The following VPS35L variants were observed in gnomAD, a reference collection of about 807,000 sequenced individuals.
VPS35L encodes VPS35 endosomal protein sorting factor like.
In VPS35L, 83 loss-of-function variants were observed where a neutral mutation model predicts 133.0. The observed-to-expected ratio is 0.62, with a 90% CI of 0.52 to 0.75. VPS35L has a LOEUF of 0.75. VPS35L is among the 30% of genes least tolerant of loss of function. VPS35L has a pLI of 0.00. For synonymous variants in VPS35L, 423 were observed against 449.9 expected (o/e 0.94, Z 0.76); for missense variants, 1,083 against 1,206.8 (o/e 0.90, Z 1.52).
chr16:19,569,713 G>C, intron 3 of VPS35L, 122 bp downstream of exon 3: 5 of 1,094,666 alleles, frequency 4.6e-6, no homozygotes, highest in Non-Finnish European at 6.2e-6. Context: ...CTGTCACCCA[G>C]GCTGGAGTGC....
intron 9 of VPS35L, among the ~76,000 whole-genome samples, chr16:19,601,987 A>T (rs530650393): frequency 1.3e-5 from 2 of 151,898 alleles, no homozygotes; most frequent in East Asian, 3.9e-4. Flanking sequence ...TCACACGAAC[A>T]TATTTTCCTC....
At chr16:19,672,201 C>T (rs1037239532) in intron 27 of VPS35L, among the ~76,000 whole-genome samples, 6 of 152,148 alleles carry the variant, frequency 3.9e-5, no homozygotes, top group Admixed American at 2.6e-4. Context: ...AATCCTCCTC[C>T]CTCACCCTCC....
chr16:19,567,870 G>C (rs935459869), intron 2 of VPS35L, among the ~76,000 whole-genome samples: 2 of 151,826 alleles, frequency 1.3e-5, no homozygotes, highest in South Asian at 2.1e-4. Context: ...CTCAGGAGAC[G>C]GAGGCAGGAA....
chr16:19,641,362 C>T (rs764245360), intron 21 of VPS35L, among the ~76,000 whole-genome samples: 38 of 152,024 alleles, frequency 2.5e-4, no homozygotes, highest in Non-Finnish European at 4.1e-4. Context: ...CCACCACACC[C>T]GGCCTGTTTT....
At chr16:19,593,635 C>T (rs115769570) in intron 8 of VPS35L, among the ~76,000 whole-genome samples, 2,754 of 150,718 alleles carry the variant, frequency 0.018, 82 homozygotes, top group African/African-American at 0.063. Flanking sequence ...GCCCTTGGGC[C>T]GGGCATGGTG....
intron 26 of VPS35L, among the ~76,000 whole-genome samples, chr16:19,662,502 C>CA (rs1974521212): frequency 1.3e-5 from 2 of 152,116 alleles, no homozygotes; most frequent in African/African-American, 4.8e-5. Flanking sequence ...CGGCAAAGTT[C>CA]GCATTTATTT....
At chr16:19,666,927 T>TCTTTCTTTCTTTCTTTCTTTCTTTCTTC (rs1974699235) in intron 26 of VPS35L, among the ~76,000 whole-genome samples, 18 of 62,964 alleles carry the variant, frequency 2.9e-4, no homozygotes, top group African/African-American at 5.3e-4. Flanking sequence ...TTTCTTTCTT[T>TCTTTCTTTCTTTCTTTCTTTCTTTCTTC]CTTTCTTCCT....
intron 8 of VPS35L, among the ~76,000 whole-genome samples, chr16:19,593,261 C>T (rs973780224): frequency 1.3e-5 from 2 of 152,132 alleles, no homozygotes; most frequent in African/African-American, 2.4e-5. Context: ...CAGCAAGGCA[C>T]CCCACCAGAA....
At chr16:19,638,017 TA>T (rs1447257688) in intron 20 of VPS35L, among the ~76,000 whole-genome samples, 1 of 152,206 alleles carries the variant, frequency 6.6e-6, no homozygotes, top group East Asian at 1.9e-4. Flanking sequence ...TCACACAGCC[TA>T]ATGTTGAAAC....
At chr16:19,654,453 G>T (rs1480882968) in intron 26 of VPS35L, among the ~76,000 whole-genome samples, 1 of 151,742 alleles carries the variant, frequency 6.6e-6, no homozygotes, top group Non-Finnish European at 1.5e-5. Context: ...TGGGTTATCG[G>T]GAGGCTGAGG....
chr16:19,645,016 C>T (rs995169405), intron 23 of VPS35L, 67 bp downstream of exon 23: 39 of 1,128,588 alleles, frequency 3.5e-5, no homozygotes, highest in African/African-American at 1.9e-4. Flanking sequence ...CTTATGTTGG[C>T]GAAAGCAGTT....
At chr16:19,561,238 GC>G in intron 1 of VPS35L, among the ~76,000 whole-genome samples, 1 of 152,070 alleles carries the variant, frequency 6.6e-6, no homozygotes, top group Non-Finnish European at 1.5e-5. Flanking sequence ...GGGTGTGGTG[GC>G]GGGCGCCTGT....
At chr16:19,677,665 G>A (rs1975110944) in intron 27 of VPS35L, among the ~76,000 whole-genome samples, 1 of 152,206 alleles carries the variant, frequency 6.6e-6, no homozygotes, top group Admixed American at 6.5e-5. Flanking sequence ...GGATGCCCGA[G>A]CTGCTGGTGA....
In VPS35L at chr16:19,579,239, T is replaced by C. The variant is rs1971632339; in HGVS notation, c.510+111T>C. ...TGATTAATTCCTGGGCTGCGCATTGTGCTTGGTCCTCTCGAGGCAATGACT... is the reference window on the plus strand; with the variant it reads ...TGATTAATTCCTGGGCTGCGCATTGCGCTTGGTCCTCTCGAGGCAATGACT... On this transcript the variant is annotated intron_variant, in intron 6 of 30. Transcript: ENST00000417362. The C allele has an allele frequency of 1.2e-5, 12 of 985,268 alleles. No individual in the cohort carries two copies. The South Asian group carries it at 1.9e-4, about 16-fold the overall frequency. The allele number at this position is 985,268 out of a possible 1,614,324, so 61.0% of individuals were successfully genotyped here.
At chr16:19,647,024 A>T (rs1297510925) in intron 23 of VPS35L, among the ~76,000 whole-genome samples, 1 of 152,224 alleles carries the variant, frequency 6.6e-6, no homozygotes, top group African/African-American at 2.4e-5. Flanking sequence ...TAACCTTGAA[A>T]TTCTGACTTG....
chr16:19,565,970 T>C (rs1430101408), intron 2 of VPS35L, among the ~76,000 whole-genome samples: 1 of 152,194 alleles, frequency 6.6e-6, no homozygotes, highest in Non-Finnish European at 1.5e-5. Flanking sequence ...TGGTACTGTC[T>C]TATTAGCAAG....
At chr16:19,647,409 A>T (rs1973983482) in intron 23 of VPS35L, among the ~76,000 whole-genome samples, 1 of 152,178 alleles carries the variant, frequency 6.6e-6, no homozygotes, top group South Asian at 2.1e-4. Flanking sequence ...ATGGTGGAAA[A>T]ACTTCCATCT....
intron 3 of VPS35L, among the ~76,000 whole-genome samples, chr16:19,572,186 G>T (rs1334991616): frequency 6.6e-6 from 1 of 152,164 alleles, no homozygotes; most frequent in African/African-American, 2.4e-5. Flanking sequence ...TTGGAAGGCT[G>T]AGGCGGGCGG....
intron 28 of VPS35L, among the ~76,000 whole-genome samples, chr16:19,687,436 C>G (rs1975501215): frequency 6.6e-6 from 1 of 152,194 alleles, no homozygotes; most frequent in Non-Finnish European, 1.5e-5. Flanking sequence ...ACTGCCGTCC[C>G]CCACTGGGGA....
Sources: gnomAD v4.1 joint callset for allele counts (sites outside exome capture counted in the v4.1 genomes callset) on GRCh38, gnomAD v4.1.1 for gene constraint, MANE v1.5 for transcripts, NCBI Gene and HGNC (gene_info 2026-07-23, HGNC 2026-07-21) for gene names.